The following ZNF536 variants were observed in gnomAD, a reference collection of about 807,000 sequenced individuals.
ZNF536 encodes the protein zinc finger protein 536.
A neutral mutation model predicts 84.5 loss-of-function variants in ZNF536; 13 were observed. The observed-to-expected ratio is 0.15, with a 90% CI of 0.10 to 0.24. The LOEUF is 0.24. Ranked by LOEUF, ZNF536 falls within the 10% of genes least tolerant of loss-of-function variation. ZNF536 has a pLI of 1.00. For synonymous variants in ZNF536, 811 were observed against 742.5 expected (o/e 1.09, Z -1.50); for missense variants, 1,536 against 1,747.5 (o/e 0.88, Z 2.16).
At chr19:30,295,100 C>T (rs2045956243) in intron 2 of ZNF536, among the ~76,000 whole-genome samples, 1 of 152,168 alleles carries the variant, frequency 6.6e-6, no homozygotes, top group Admixed American at 6.5e-5. Flanking sequence ...CATGCAGATT[C>T]TGATTCAGCA....
intron 1 of ZNF536, among the ~76,000 whole-genome samples, chr19:30,282,291 A>G (rs2045475140): frequency 6.6e-6 from 1 of 152,214 alleles, no homozygotes; most frequent in African/African-American, 2.4e-5. Flanking sequence ...ACCCTTGCAT[A>G]AGCCCACTAA....
At chr19:30,263,005 A>G (rs1232410347) in intron 1 of ZNF536, among the ~76,000 whole-genome samples, 3 of 152,128 alleles carry the variant, frequency 2.0e-5, no homozygotes, top group Admixed American at 1.3e-4. Flanking sequence ...AGGGACAGGA[A>G]GTTCAGGGTG....
chr19:30,268,375 G>A (rs1250571811), intron 1 of ZNF536, among the ~76,000 whole-genome samples: 1 of 152,144 alleles, frequency 6.6e-6, no homozygotes, highest in Non-Finnish European at 1.5e-5. Flanking sequence ...TGGCTTGGAT[G>A]TTAATTTGAA....
At chr19:30,325,003 A>G (rs10422492) in intron 2 of ZNF536, among the ~76,000 whole-genome samples, 1,901 of 152,258 alleles carry the variant, frequency 0.012, 42 homozygotes, top group African/African-American at 0.043. Context: ...AAGTCATACA[A>G]TGGGTGTGAG....
At chr19:30,401,967 A>T (rs1335755379) in intron 1 of ZNF536, among the ~76,000 whole-genome samples, 2 of 152,242 alleles carry the variant, frequency 1.3e-5, no homozygotes, top group Non-Finnish European at 2.9e-5. Flanking sequence ...TTATTTATTT[A>T]AATGTTAATT....
chr19:30,567,825 T>G (rs2046407587), intron 1 of ZNF536, among the ~76,000 whole-genome samples: 1 of 152,140 alleles, frequency 6.6e-6, no homozygotes, highest in African/African-American at 2.4e-5. Flanking sequence ...CCCAATTACC[T>G]CTGTCAGGCA....
chr19:30,298,361 C>A (rs559518849), intron 2 of ZNF536, among the ~76,000 whole-genome samples: 1 of 152,284 alleles, frequency 6.6e-6, no homozygotes, highest in South Asian at 2.1e-4. Flanking sequence ...TGGCTCACAC[C>A]CCATCACCAG....
At chr19:30,440,304 A>G (rs1014978927) in intron 1 of ZNF536, among the ~76,000 whole-genome samples, 1 of 151,966 alleles carries the variant, frequency 6.6e-6, no homozygotes, top group African/African-American at 2.4e-5. Context: ...TCAGCTTCTC[A>G]GTGGTAGCCA....
At chr19:30,387,113 T>C (rs897020296) in intron 1 of ZNF536, among the ~76,000 whole-genome samples, 10 of 152,306 alleles carry the variant, frequency 6.6e-5, no homozygotes, top group Admixed American at 2.6e-4. Flanking sequence ...TGGTCAAAGA[T>C]GAAGCACCGT....
intron 2 of ZNF536, among the ~76,000 whole-genome samples, chr19:30,521,523 C>T (rs1372328874): frequency 6.6e-6 from 1 of 152,282 alleles, no homozygotes; most frequent in East Asian, 1.9e-4. Flanking sequence ...GAAAAACAAG[C>T]AAACTTGACC....
intron 1 of ZNF536, among the ~76,000 whole-genome samples, chr19:30,616,505 C>A (rs1256428224): frequency 1.3e-5 from 2 of 151,996 alleles, no homozygotes; most frequent in Non-Finnish European, 2.9e-5. Context: ...AAGGAAATAA[C>A]CCTATTTGAT....
At chr19:30,683,094 TA>T (rs2051039441) in intron 1 of ZNF536, among the ~76,000 whole-genome samples, 1 of 152,134 alleles carries the variant, frequency 6.6e-6, no homozygotes, top group South Asian at 2.1e-4. Context: ...CAGCTGTATT[TA>T]ATTTTCCTCC....
intron 1 of ZNF536, among the ~76,000 whole-genome samples, chr19:30,623,395 C>T (rs951169775): frequency 2.6e-5 from 4 of 152,216 alleles, no homozygotes; most frequent in Non-Finnish European, 5.9e-5. Flanking sequence ...TTCTTGGGGG[C>T]TCCCAATGCC....
chr19:30,544,871 A>T (rs1440574016), intron 3 of ZNF536, among the ~76,000 whole-genome samples: 1 of 152,198 alleles, frequency 6.6e-6, no homozygotes, highest in Non-Finnish European at 1.5e-5. Context: ...TTACAGGTTG[A>T]GGAAGAAAAA....
rs2146375228 is a variant in ZNF536, at chr19:30,557,235, C to T, written c.*71C>T. On this transcript the variant is annotated 3_prime_UTR_variant, in exon 5 of 5. Transcript: ENST00000355537. Reference sequence around the variant, plus strand: ...CGTGGTCCTCGGTGGTTATCTGCAGCTTGTTAATCGTGTAAAGTCAAGAGA... The same window carrying T: ...CGTGGTCCTCGGTGGTTATCTGCAGTTTGTTAATCGTGTAAAGTCAAGAGA... 4.5e-6 allele frequency: 7 copies of T among 1,544,700 alleles called. No homozygotes were observed. Among genetic ancestry groups the T allele is most frequent in the Non-Finnish European group, 4.5e-6 (5 of 1,119,604 alleles).
At chr19:30,241,939 C>A (rs1224795451) in intron 1 of ZNF536, among the ~76,000 whole-genome samples, 1 of 151,978 alleles carries the variant, frequency 6.6e-6, no homozygotes, top group Non-Finnish European at 1.5e-5. Context: ...GGGAAGAGTT[C>A]CAGGCAGAGG....
At chr19:30,652,690 G>A (rs2147470463) in intron 1 of ZNF536, among the ~76,000 whole-genome samples, 1 of 152,292 alleles carries the variant, frequency 6.6e-6, no homozygotes, top group Non-Finnish European at 1.5e-5. Context: ...TCCTGGGTCT[G>A]GAGTCAGTAG....
intron 1 of ZNF536, among the ~76,000 whole-genome samples, chr19:30,414,683 T>C (rs2050637957): frequency 6.6e-6 from 1 of 152,212 alleles, no homozygotes; most frequent in Admixed American, 6.5e-5. Context: ...TGATCTGTGA[T>C]TTTAATTCCA....
intron 2 of ZNF536, among the ~76,000 whole-genome samples, chr19:30,463,062 G>A (rs1040817161): frequency 7.0e-6 from 1 of 142,908 alleles, no homozygotes; most frequent in Admixed American, 6.9e-5. Flanking sequence ...GTGTTGGAAT[G>A]GGATGGGGTG....
Sources: gnomAD v4.1 joint callset for allele counts (sites outside exome capture counted in the v4.1 genomes callset) on GRCh38, gnomAD v4.1.1 for gene constraint, MANE v1.5 for transcripts, NCBI Gene and HGNC (gene_info 2026-07-23, HGNC 2026-07-21) for gene names.